ANK3: variants seen among roughly 807,000 people sequenced by gnomAD.
The protein encoded by ANK3 is ankyrin 3.
Under a neutral mutation model 370.9 loss-of-function variants are expected in ANK3, and 57 were observed. The observed-to-expected ratio is 0.15, with a 90% CI of 0.12 to 0.19. The LOEUF (loss-of-function observed/expected upper bound fraction) is 0.19, where lower values mean the gene tolerates loss of function less well. ANK3 is among the 10% of genes least tolerant of loss of function. The pLI is 1.00. For synonymous variants in ANK3, 1,929 were observed against 1,946.3 expected (o/e 0.99, Z 0.23); for missense variants, 4,439 against 5,302.1 (o/e 0.84, Z 5.06).
chr10:60,172,020 A>G (rs2095805167), intron 21 of ANK3, among the ~76,000 whole-genome samples: 1 of 152,202 alleles, frequency 6.6e-6, no homozygotes, highest in African/African-American at 2.4e-5. Flanking sequence ...TTCATTAAGA[A>G]CTTGTTATAT....
intron 42 of ANK3, among the ~76,000 whole-genome samples, chr10:60,050,145 G>A (rs1380208991): frequency 1.3e-5 from 2 of 152,086 alleles, no homozygotes; most frequent in African/African-American, 2.4e-5. Flanking sequence ...CCAACCCAGA[G>A]AACATGTGTG....
chr10:60,369,924 A>C (rs921348395), intron 1 of ANK3, among the ~76,000 whole-genome samples: 1 of 152,170 alleles, frequency 6.6e-6, no homozygotes, highest in Non-Finnish European at 1.5e-5. Context: ...AGAGTTAGAA[A>C]ATTAGTCTCA....
intron 23 of ANK3, among the ~76,000 whole-genome samples, chr10:60,161,886 C>T (rs187750335): frequency 5.9e-4 from 90 of 152,006 alleles, no homozygotes; most frequent in African/African-American, 2.1e-3. Flanking sequence ...CAATATATTT[C>T]AAAAGAATTA....
intron 2 of ANK3, among the ~76,000 whole-genome samples, chr10:60,486,357 T>C (rs1396618453): frequency 6.6e-6 from 1 of 152,180 alleles, no homozygotes; most frequent in African/African-American, 2.4e-5. Flanking sequence ...GGTGGGTGGA[T>C]CACTTGAGGT....
At chr10:60,197,730 C>A (rs1182879798) in intron 14 of ANK3, among the ~76,000 whole-genome samples, 1 of 152,170 alleles carries the variant, frequency 6.6e-6, no homozygotes, top group Non-Finnish European at 1.5e-5. Flanking sequence ...GCGCCACAAG[C>A]CAATTCATCT....
intron 7 of ANK3, among the ~76,000 whole-genome samples, chr10:60,235,550 G>GTTTTTTTTTTTTTTT (rs72388493): frequency 2.6e-5 from 3 of 115,052 alleles, no homozygotes; most frequent in Non-Finnish European, 3.5e-5. Context: ...CTGATTTCTT[G>GTTTTTTTTTTTTTTT]TTTTTTTTTT....
chr10:60,157,412 GC>G, intron 23 of ANK3, among the ~76,000 whole-genome samples: 1 of 150,398 alleles, frequency 6.6e-6, no homozygotes, highest in Middle Eastern at 3.4e-3. Context: ...ACAGCTCACT[GC>G]AGTCTTGACC....
At chr10:60,448,774 C>T (rs1439897487) in intron 2 of ANK3, among the ~76,000 whole-genome samples, 3 of 152,224 alleles carry the variant, frequency 2.0e-5, no homozygotes, top group Non-Finnish European at 2.9e-5. Flanking sequence ...GAATTGATTA[C>T]TAATTCCTTT....
At chr10:60,578,826 G>T (rs1164564650) in intron 2 of ANK3, among the ~76,000 whole-genome samples, 1 of 152,148 alleles carries the variant, frequency 6.6e-6, no homozygotes, top group African/African-American at 2.4e-5. Context: ...AAAGGAATTA[G>T]ATTTCTTAAA....
intron 24 of ANK3, among the ~76,000 whole-genome samples, chr10:60,134,930 C>T (rs2094264532): frequency 6.6e-6 from 1 of 152,188 alleles, no homozygotes; most frequent in African/African-American, 2.4e-5. Flanking sequence ...AGGAAACATT[C>T]ATATTCCCTG....
In ANK3 at chr10:60,259,127, C is replaced by T. The variant is rs569603985; in HGVS notation, c.798+2732G>A. 7.9e-5 allele frequency among the ~76,000 whole-genome samples: 12 copies of T among 152,234 alleles called. No homozygotes were observed. In the East Asian group the frequency reaches 2.1e-3, roughly 27 times the overall value. ...CCTTGGAAGCTGGGAAGGGAGAAGC[C>T]TCTGTAATATGAAAGTGGAGATGCT... On this transcript the variant is annotated intron_variant, in intron 7 of 43. Coordinates refer to ENST00000280772, the MANE Select transcript of ANK3 (RefSeq NM_020987.5).
At chr10:60,719,488 G>A (rs1400662070) in intron 1 of ANK3, among the ~76,000 whole-genome samples, 4 of 152,092 alleles carry the variant, frequency 2.6e-5, no homozygotes, top group Non-Finnish European at 5.9e-5. Flanking sequence ...ATTTGGAAGT[G>A]CCCATATCCT....
intron 1 of ANK3, among the ~76,000 whole-genome samples, chr10:60,319,830 C>T (rs966065244): frequency 5.9e-5 from 9 of 152,176 alleles, no homozygotes; most frequent in African/African-American, 2.2e-4. Flanking sequence ...TAAACCATGC[C>T]TCTTCACCAC....
At chr10:60,407,958 T>C (rs571852271) in intron 2 of ANK3, among the ~76,000 whole-genome samples, 203 of 151,884 alleles carry the variant, frequency 1.3e-3, no homozygotes, top group Non-Finnish European at 2.2e-3. Context: ...GTGTCTCCCA[T>C]ACTCTGCACA....
chr10:60,124,698 A>C (rs2093669135), intron 25 of ANK3, among the ~76,000 whole-genome samples: 1 of 152,200 alleles, frequency 6.6e-6, no homozygotes, highest in South Asian at 2.1e-4. Context: ...CAGATCTGCT[A>C]TGCTTTGCTT....
At position 60,069,865 on chromosome 10, in the gene ANK3, C is replaced by T; in HGVS notation, c.11016G>A (p.Glu3672=). The T allele has an allele frequency of 1.2e-6, 2 of 1,614,068 alleles. No individual in the cohort carries two copies. Among genetic ancestry groups the T allele is most frequent in the South Asian group, 2.2e-5 (2 of 91,072 alleles). ...CCACTGTAGGTGTCTCTACATTTCT[C>T]TCTAGATTGGTTTCTACAGTGGTGT... ...SGDTTVETNL[E]RNVETPTVEP... is the part of the protein sequence containing the mutation. Residue 3672 remains glutamate (E), a synonymous_variant, in exon 37 of 44, where the codon GAG becomes GAA. Coordinates refer to ENST00000280772, the MANE Select transcript of ANK3 (RefSeq NM_020987.5).
chr10:60,447,041 A>G (rs1297804046), intron 2 of ANK3, among the ~76,000 whole-genome samples: 1 of 152,218 alleles, frequency 6.6e-6, no homozygotes, highest in African/African-American at 2.4e-5. Flanking sequence ...TCCACAAGTG[A>G]CAGGAAATAC....
intron 1 of ANK3, among the ~76,000 whole-genome samples, chr10:60,304,327 G>A (rs2044491221): frequency 6.6e-6 from 1 of 152,058 alleles, no homozygotes; most frequent in Non-Finnish European, 1.5e-5. Flanking sequence ...GCTTGACTGT[G>A]ATTATTTTAC....
intron 43 of ANK3, among the ~76,000 whole-genome samples, chr10:60,037,912 T>C (rs1906151): frequency 0.99 from 151,592 of 152,370 alleles, 75,420 homozygotes; most frequent in Middle Eastern, 1. Flanking sequence ...CTCCCACCAA[T>C]AGTGTATAAA....
Sources: gnomAD v4.1 joint callset for allele counts (sites outside exome capture counted in the v4.1 genomes callset) on GRCh38, gnomAD v4.1.1 for gene constraint, MANE v1.5 for transcripts, NCBI Gene and HGNC (gene_info 2026-07-23, HGNC 2026-07-21) for gene names.